The following ARHGEF28 variants were observed in gnomAD, a reference collection of about 807,000 sequenced individuals.
ARHGEF28 encodes Rho guanine nucleotide exchange factor 28.
Under a neutral mutation model 206.6 loss-of-function variants are expected in ARHGEF28, and 152 were observed. The ratio of observed to expected loss-of-function variants is 0.74; its 90% CI spans 0.64 to 0.84. ARHGEF28 has a LOEUF of 0.84. Among genes scored for constraint, ARHGEF28 ranks in the 40% least tolerant of loss-of-function variants. The pLI, the probability that ARHGEF28 is intolerant of heterozygous loss-of-function variation, is 0.00. For missense variants in ARHGEF28, 2,028 were observed against 2,073.2 expected, an observed-to-expected ratio of 0.98 and a Z score of 0.42; for synonymous variants, 763 against 776.4, an observed-to-expected ratio of 0.98 and a Z score of 0.29.
chr5:73,866,036 A>G (rs1306748103), intron 18 of ARHGEF28, 23 bp downstream of exon 18: 1 of 1,569,230 alleles, frequency 6.4e-7, no homozygotes, highest in Non-Finnish European at 8.7e-7. Flanking sequence ...GAAAACGACA[A>G]GAACTTTTAA....
At chr5:73,922,733 C>A (rs1763587359) in intron 35 of ARHGEF28, among the ~76,000 whole-genome samples, 1 of 152,164 alleles carries the variant, frequency 6.6e-6, no homozygotes, top group Non-Finnish European at 1.5e-5. Context: ...TTCCATCTGA[C>A]TAAAACTGAA....
rs188165907 is a variant in ARHGEF28, at chr5:73,818,255, T to C, written c.1025-14083T>C. Among the ~76,000 whole-genome samples, 407 of 152,216 alleles carry C rather than the reference T, an allele frequency of 2.7e-3. 1 individual carries two copies. The highest frequency in any genetic ancestry group is 9.4e-3 in the African/African-American group (391 of 41,512). On this transcript the variant is annotated intron_variant, in intron 9 of 35. Coordinates refer to ENST00000513042, the MANE Select transcript of ARHGEF28 (RefSeq NM_001177693.2). ...GACTATTTCATGAGCTCATTTAATG[T>C]TTACAGGGCAGGTACCTAATCTGAA...
In ARHGEF28 at chr5:73,648,349, G is replaced by A. The variant is rs927362156; in HGVS notation, c.-12+22027G>A. On this transcript the variant is annotated intron_variant, in intron 1 of 35. Coordinates refer to ENST00000513042, the MANE Select transcript of ARHGEF28 (RefSeq NM_001177693.2). ...TTCTGTACTATAAAAGATCAAGATC[G>A]AGTTGTTTATGTGGAACCCTTATAC... 3.3e-5 allele frequency among the ~76,000 whole-genome samples: 5 copies of A among 152,222 alleles called. No individual in the cohort carries two copies. The East Asian group carries it at 5.8e-4, about 18-fold the overall frequency.
At chr5:73,886,190 A>G in intron 25 of ARHGEF28, 86 bp downstream of exon 25, 3 of 1,484,334 alleles carry the variant, frequency 2.0e-6, no homozygotes, top group Non-Finnish European at 2.7e-6. Context: ...AAAACAGTTC[A>G]GAATTGCAGG....
chr5:73,917,479 T>C (rs1360640973), intron 35 of ARHGEF28, among the ~76,000 whole-genome samples: 2 of 152,234 alleles, frequency 1.3e-5, no homozygotes, highest in Non-Finnish European at 2.9e-5. Flanking sequence ...TGACATTCGC[T>C]TGTAGAGCCT....
chr5:73,872,930 A>C, intron 21 of ARHGEF28, 69 bp from the exon 22 acceptor site: 4 of 1,556,898 alleles, frequency 2.6e-6, no homozygotes, highest in Non-Finnish European at 3.5e-6. Flanking sequence ...TTGAGTTACT[A>C]ATTTAGTTTA....
At chr5:73,652,149 T>C (rs1744876071) in intron 1 of ARHGEF28, among the ~76,000 whole-genome samples, 1 of 152,176 alleles carries the variant, frequency 6.6e-6, no homozygotes, top group African/African-American at 2.4e-5. Context: ...TGCTAGGGAA[T>C]GGGGTATATA....
At chr5:73,763,699 A>G (rs1752735069) in intron 4 of ARHGEF28, among the ~76,000 whole-genome samples, 1 of 152,196 alleles carries the variant, frequency 6.6e-6, no homozygotes, top group Non-Finnish European at 1.5e-5. Context: ...GTTGAGTGAA[A>G]TGAATGGTGG....
At chr5:73,704,721 G>T (rs192811155) in intron 2 of ARHGEF28, among the ~76,000 whole-genome samples, 1 of 152,016 alleles carries the variant, frequency 6.6e-6, no homozygotes, top group Non-Finnish European at 1.5e-5. Flanking sequence ...CACCACACCC[G>T]CCCATTACTA....
intron 2 of ARHGEF28, among the ~76,000 whole-genome samples, chr5:73,737,512 C>CTTTTCTTTTCTTTT (rs1751057949): frequency 9.6e-6 from 1 of 104,052 alleles, no homozygotes; most frequent in Non-Finnish European, 2.0e-5. Flanking sequence ...CTTTTCTTTT[C>CTTTTCTTTTCTTTT]TTTTCTTTTC....
chr5:73,781,981 G>A (rs1159760380), intron 7 of ARHGEF28, among the ~76,000 whole-genome samples: 2 of 151,986 alleles, frequency 1.3e-5, no homozygotes, highest in Admixed American at 6.6e-5. Flanking sequence ...GGGCTAGGGA[G>A]GAAAAATATG....
chr5:73,824,549 A>C (rs1388558168), intron 9 of ARHGEF28, among the ~76,000 whole-genome samples: 1 of 151,286 alleles, frequency 6.6e-6, no homozygotes, highest in Non-Finnish European at 1.5e-5. Flanking sequence ...GGCTCACTGC[A>C]ACCTCTGCCT....
chr5:73,920,096 CT>C (rs1763436737), intron 35 of ARHGEF28, among the ~76,000 whole-genome samples: 1 of 152,190 alleles, frequency 6.6e-6, no homozygotes, highest in Non-Finnish European at 1.5e-5. Context: ...ACAGTTGACT[CT>C]TTTACTGAGG....
chr5:73,696,189 T>C (rs1748199175), intron 2 of ARHGEF28, among the ~76,000 whole-genome samples: 1 of 152,154 alleles, frequency 6.6e-6, no homozygotes, highest in Non-Finnish European at 1.5e-5. Flanking sequence ...CTCTGACCCT[T>C]TATAGGAGCA....
rs1054087221 is a variant in ARHGEF28 at position 73,873,807 on chromosome 5, C to G, written c.2814+561C>G. On this transcript the variant is annotated intron_variant, in intron 22 of 35. Transcript: ENST00000513042. ...ATATCTTCTTGTTTCCAGTTTTTAGCTCTTATAAATAAAGCTGCTATGAAC... is the reference window on the plus strand; with the variant it reads ...ATATCTTCTTGTTTCCAGTTTTTAGGTCTTATAAATAAAGCTGCTATGAAC... Among the ~76,000 whole-genome samples, 60 of 152,118 alleles carry G rather than the reference C, an allele frequency of 3.9e-4. 1 individual carries two copies. Among genetic ancestry groups the G allele is most frequent in the African/African-American group, 1.4e-3 (57 of 41,426 alleles).
intron 26 of ARHGEF28, among the ~76,000 whole-genome samples, chr5:73,890,195 G>A (rs1345558809): frequency 6.6e-6 from 1 of 152,132 alleles, no homozygotes; most frequent in Non-Finnish European, 1.5e-5. Context: ...GATGGTGATC[G>A]AATGAATGCT....
rs147196939 is a variant in ARHGEF28 at position 73,706,942 on chromosome 5, A to G, written c.33+22058A>G. On this transcript the variant is annotated intron_variant, in intron 2 of 35. Coordinates refer to ENST00000513042, the MANE Select transcript of ARHGEF28 (RefSeq NM_001177693.2). ...CTTAACTTGCAGGGCTGTTTAGTGA[A>G]TAGGGGTACCCTACCTTGTTCTAGA... Among the ~76,000 whole-genome samples, 944 of 152,328 alleles carry G rather than the reference A, an allele frequency of 6.2e-3. 8 individuals carry two copies. Among genetic ancestry groups the G allele is most frequent in the African/African-American group, 0.021 (888 of 41,572 alleles).
chr5:73,904,152 T>C (rs889786412), intron 31 of ARHGEF28, 70 bp from the exon 32 acceptor site: 4 of 1,482,754 alleles, frequency 2.7e-6, no homozygotes, highest in African/African-American at 1.4e-5. Flanking sequence ...GTCATACATT[T>C]TGGGACACTG....
Position 73,918,276 on chromosome 5 carries a change from C to A in ARHGEF28, c.4948+6701C>A, listed in dbSNP as rs1763323176. Among the ~76,000 whole-genome samples, 2 of 152,190 alleles carry A rather than the reference C, an allele frequency of 1.3e-5. 1 individual carries two copies. The highest frequency in any genetic ancestry group is 4.1e-4 in the South Asian group (2 of 4,832). ...AACTCTGTCATTGTAGCTTGCAAAG[C>A]AGCCATAGACAATATGTAAATAATA... On this transcript the variant is annotated intron_variant, in intron 35 of 35. Coordinates refer to ENST00000513042, the MANE Select transcript of ARHGEF28 (RefSeq NM_001177693.2).
Sources: gnomAD v4.1 joint callset for allele counts (sites outside exome capture counted in the v4.1 genomes callset) on GRCh38, gnomAD v4.1.1 for gene constraint, MANE v1.5 for transcripts, NCBI Gene and HGNC (gene_info 2026-07-23, HGNC 2026-07-21) for gene names.